Variants in STAT5B observed in about 807,000 individuals in gnomAD.
The protein encoded by STAT5B is transcription factor STAT5B.
Under a neutral mutation model 107.8 loss-of-function variants are expected in STAT5B, and 21 were observed. The observed-to-expected ratio is 0.19, with a 90% CI of 0.14 to 0.28. STAT5B has a LOEUF of 0.28. Among genes scored for constraint, STAT5B ranks in the 10% least tolerant of loss-of-function variants. STAT5B has a pLI of 1.00. For missense variants in STAT5B, 565 were observed against 1,008.2 expected (o/e 0.56, Z 5.95); for synonymous variants, 325 against 401.7 (o/e 0.81, Z 2.28).
At chr17:42,251,900 G>C (rs1444063524) in intron 1 of STAT5B, among the ~76,000 whole-genome samples, 1 of 151,606 alleles carries the variant, frequency 6.6e-6, no homozygotes, top group Non-Finnish European at 1.5e-5. Context: ...TGGGGAGGCT[G>C]AGGCAGGAGA....
At chr17:42,281,349 G>A (rs1188941873), upstream of STAT5B, among the ~76,000 whole-genome samples, 1 of 152,056 alleles carries the variant, frequency 6.6e-6, no homozygotes, top group African/African-American at 2.4e-5. Context: ...GGGCCCTGGG[G>A]GACAGGAAAG....
chr17:42,204,001 G>A (rs76084405), intron 16 of STAT5B, among the ~76,000 whole-genome samples: 2,399 of 152,168 alleles, frequency 0.016, 30 homozygotes, highest in Middle Eastern at 0.058. Flanking sequence ...CTGGAGAGCC[G>A]CTGATCTGAT....
upstream of STAT5B, among the ~76,000 whole-genome samples, chr17:42,280,927 G>A (rs999025014): frequency 6.6e-6 from 1 of 152,076 alleles, no homozygotes; most frequent in Non-Finnish European, 1.5e-5. Context: ...GAGGTCAGGC[G>A]ATCGAGACCA....
At chr17:42,263,750 C>T (rs547085674) in intron 1 of STAT5B, among the ~76,000 whole-genome samples, 1 of 152,120 alleles carries the variant, frequency 6.6e-6, no homozygotes, top group African/African-American at 2.4e-5. Flanking sequence ...TGATCTTGAA[C>T]TCCTGGACTC....
upstream of STAT5B, among the ~76,000 whole-genome samples, chr17:42,279,411 A>G (rs1337718542): frequency 3.3e-5 from 5 of 152,222 alleles, no homozygotes; most frequent in East Asian, 1.9e-4. Context: ...AGTAGCAGCT[A>G]AGATGAATAC....
rs1177674945 is a variant in STAT5B at position 42,199,471 on chromosome 17, G to T, written c.*2267C>A. ...AAAAAACCTGCACATCTCACACACGGAGCTGAAACTTTTGAGGACTTGTGT... is the reference window on the plus strand; with the variant it reads ...AAAAAACCTGCACATCTCACACACGTAGCTGAAACTTTTGAGGACTTGTGT... On this transcript the variant is annotated 3_prime_UTR_variant, in exon 19 of 19. Transcript: ENST00000293328. 1 of 152,298 alleles carries T rather than the reference G, an allele frequency of 6.6e-6. No homozygotes were observed. The highest frequency in any genetic ancestry group is 2.4e-5 in the African/African-American group (1 of 41,440). 9.4% of individuals were successfully genotyped at this position (152,298 alleles called of 1,614,324 possible). A position where few individuals can be genotyped will look rare whatever the true frequency, so the allele number is the denominator to read the frequency against.
intron 11 of STAT5B, among the ~76,000 whole-genome samples, chr17:42,216,951 T>C (rs2080177028): frequency 6.6e-6 from 1 of 152,064 alleles, no homozygotes. Context: ...AGTGCTGGGA[T>C]TACAAGCATG....
upstream of STAT5B, among the ~76,000 whole-genome samples, chr17:42,278,561 G>A (rs573198911): frequency 6.6e-6 from 1 of 152,130 alleles, no homozygotes; most frequent in South Asian, 2.1e-4. Context: ...ACAGAAAAAG[G>A]TCTCATGGTG....
At chr17:42,277,511 A>G (rs2080775411), upstream of STAT5B, among the ~76,000 whole-genome samples, 1 of 152,150 alleles carries the variant, frequency 6.6e-6, no homozygotes, top group African/African-American at 2.4e-5. Flanking sequence ...CAGCTGGTCA[A>G]AAAACCCTTC....
intron 8 of STAT5B, 84 bp from the exon 9 acceptor site, chr17:42,218,414 C>A: frequency 6.4e-7 from 1 of 1,557,674 alleles, no homozygotes; most frequent in Middle Eastern, 2.3e-4. Flanking sequence ...GGGGGTGGGG[C>A]TGCCTCCCGA....
intron 16 of STAT5B, 99 bp downstream of exon 16, chr17:42,207,459 A>G (rs2080093643): frequency 6.8e-7 from 1 of 1,479,436 alleles, no homozygotes; most frequent in Non-Finnish European, 9.4e-7. Context: ...GTGGGTTTTC[A>G]CACAAGAGAG....
intron 3 of STAT5B, among the ~76,000 whole-genome samples, chr17:42,225,103 G>A (rs1357697975): frequency 6.6e-6 from 1 of 152,070 alleles, no homozygotes; most frequent in Non-Finnish European, 1.5e-5. Flanking sequence ...TGCCCAGGCT[G>A]GAGTGCAGTG....
At chr17:42,202,724 C>A in intron 17 of STAT5B, 33 bp downstream of exon 17, 1 of 1,613,380 alleles carries the variant, frequency 6.2e-7, no homozygotes, top group Non-Finnish European at 8.5e-7. Flanking sequence ...AGGAAAGAGG[C>A]AGAAGGAGAG....
chr17:42,285,008 A>G, the STAT5B span, among the ~76,000 whole-genome samples: 4 of 152,218 alleles, frequency 2.6e-5, no homozygotes, highest in Admixed American at 1.3e-4. Flanking sequence ...TAGTGTGCCA[A>G]CTGAAGCCTA....
At chr17:42,232,985 G>A (rs2080329393) in intron 1 of STAT5B, among the ~76,000 whole-genome samples, 1 of 151,572 alleles carries the variant, frequency 6.6e-6, no homozygotes, top group African/African-American at 2.4e-5. Flanking sequence ...GAGATTACAG[G>A]TGCCCGCCAC....
intron 1 of STAT5B, among the ~76,000 whole-genome samples, chr17:42,265,413 C>A: frequency 1.0e-5 from 1 of 98,910 alleles, no homozygotes. Context: ...GCTCTGTCAC[C>A]AGGCTGGAGT....
intron 1 of STAT5B, among the ~76,000 whole-genome samples, chr17:42,262,928 A>G (rs1436561028): frequency 1.4e-4 from 13 of 90,064 alleles, no homozygotes; most frequent in African/African-American, 3.9e-4. Flanking sequence ...GTGTGTATAT[A>G]TATATGTATA....
chr17:42,255,779 C>T (rs1005919003), intron 1 of STAT5B, among the ~76,000 whole-genome samples: 12 of 152,166 alleles, frequency 7.9e-5, no homozygotes, highest in Admixed American at 6.5e-4. Flanking sequence ...TGCTTAATGC[C>T]ACGGAACTGT....
chr17:42,251,262 C>T (rs557154243), intron 1 of STAT5B, among the ~76,000 whole-genome samples: 7 of 152,170 alleles, frequency 4.6e-5, no homozygotes, highest in East Asian at 3.9e-4. Context: ...GAGAACTGTC[C>T]TGGGCTTGGG....
Sources: allele counts gnomAD v4.1 joint callset (sites outside exome capture counted in the v4.1 genomes callset), GRCh38; gene constraint gnomAD v4.1.1; transcripts MANE v1.5; gene names NCBI Gene and HGNC (gene_info 2026-07-23, HGNC 2026-07-21).